KIAA1958: variants seen among roughly 807,000 people sequenced by gnomAD.
The protein encoded by KIAA1958 is uncharacterized protein KIAA1958.
A neutral mutation model predicts 47.2 loss-of-function variants in KIAA1958; 14 were observed. The observed-to-expected ratio is 0.30, with a 90% CI of 0.20 to 0.46. KIAA1958 has a LOEUF of 0.46. KIAA1958 is among the 20% of genes least tolerant of loss of function. The pLI, the probability that KIAA1958 is intolerant of heterozygous loss-of-function variation, is 1.00. For synonymous variants in KIAA1958, 354 were observed against 353.3 expected, an observed-to-expected ratio of 1.00 and a Z score of -0.02; for missense variants, 803 against 909.2, an observed-to-expected ratio of 0.88 and a Z score of 1.50.
chr9:112,583,146 T>C (rs1835762504), intron 2 of KIAA1958, among the ~76,000 whole-genome samples: 1 of 152,202 alleles, frequency 6.6e-6, no homozygotes, highest in African/African-American at 2.4e-5. Context: ...TTTGTGCATG[T>C]GTACCTCCCC....
chr9:112,493,528 A>G (rs1834006184), intron 1 of KIAA1958, among the ~76,000 whole-genome samples: 1 of 152,190 alleles, frequency 6.6e-6, no homozygotes, highest in African/African-American at 2.4e-5. Context: ...TGGGTCAGTC[A>G]GTTCTTGCTG....
In KIAA1958 at chr9:112,500,775, C is replaced by T. The variant is rs193235718; in HGVS notation, c.-25+13657C>T. ...TTCTGTATAATATTTTTGAGAAAAA[C>T]GACGCACTGATAAAAAGGTTAGTTG... On this transcript the variant is annotated intron_variant, in intron 1 of 3. Transcript: ENST00000337530. 5.4e-3 allele frequency among the ~76,000 whole-genome samples: 824 copies of T among 151,952 alleles called. 13 individuals carry two copies. Among genetic ancestry groups the T allele is most frequent in the African/African-American group, 0.019 (779 of 41,426 alleles).
At chr9:112,575,388 G>A (rs1428459119) in intron 2 of KIAA1958, 137 bp downstream of exon 2, 4 of 599,076 alleles carry the variant, frequency 6.7e-6, no homozygotes, top group Non-Finnish European at 1.1e-5. Flanking sequence ...AACAATGACT[G>A]TGTTACATCC....
At chr9:112,633,045 C>T (rs1039764386) in intron 2 of KIAA1958, among the ~76,000 whole-genome samples, 1 of 151,996 alleles carries the variant, frequency 6.6e-6, no homozygotes, top group African/African-American at 2.4e-5. Flanking sequence ...ATCCATCTTT[C>T]CCCAACAATT....
intron 1 of KIAA1958, among the ~76,000 whole-genome samples, chr9:112,563,761 T>A (rs1835377590): frequency 6.6e-6 from 1 of 152,186 alleles, no homozygotes; most frequent in Non-Finnish European, 1.5e-5. Context: ...GGACCTCTAG[T>A]ACAATGTTGA....
At chr9:112,617,748 C>A in intron 2 of KIAA1958, 2 of 731,800 alleles carry the variant, frequency 2.7e-6, no homozygotes, top group Non-Finnish European at 4.4e-6. Context: ...TATCAGTGAT[C>A]TCCGTAAAAC....
chr9:112,643,321 G>T (rs1027970982), intron 2 of KIAA1958, among the ~76,000 whole-genome samples: 1 of 152,192 alleles, frequency 6.6e-6, no homozygotes, highest in Non-Finnish European at 1.5e-5. Flanking sequence ...GTAAATATTG[G>T]ATGAGTGAAT....
chr9:112,644,601 C>T (rs1836947071), intron 2 of KIAA1958, among the ~76,000 whole-genome samples: 1 of 86,498 alleles, frequency 1.2e-5, no homozygotes, highest in Non-Finnish European at 2.7e-5. Flanking sequence ...ATTCCTTTGG[C>T]AACCAACATT....
intron 2 of KIAA1958, among the ~76,000 whole-genome samples, chr9:112,633,275 T>C (rs1437854413): frequency 6.6e-6 from 1 of 152,184 alleles, no homozygotes; most frequent in East Asian, 1.9e-4. Flanking sequence ...ACATGTTTAC[T>C]TTCTTAAACT....
At chr9:112,629,962 C>T (rs1836680528) in intron 2 of KIAA1958, among the ~76,000 whole-genome samples, 1 of 152,082 alleles carries the variant, frequency 6.6e-6, no homozygotes, top group Non-Finnish European at 1.5e-5. Context: ...GTAGCTACAA[C>T]AAACAAGTTA....
intron 1 of KIAA1958, among the ~76,000 whole-genome samples, chr9:112,525,921 CTT>C (rs1564159366): frequency 2.0e-3 from 2 of 992 alleles, no homozygotes; most frequent in Non-Finnish European, 2.9e-3. Context: ...TATATTCTTT[CTT>C]CTTCTTCTTC....
intron 2 of KIAA1958, among the ~76,000 whole-genome samples, chr9:112,595,119 T>A (rs549539166): frequency 6.6e-6 from 1 of 152,374 alleles, no homozygotes; most frequent in African/African-American, 2.4e-5. Context: ...AACCTGTTTC[T>A]GACCTCCTTC....
At chr9:112,648,238 G>C (rs1837008494) in intron 3 of KIAA1958, among the ~76,000 whole-genome samples, 1 of 152,144 alleles carries the variant, frequency 6.6e-6, no homozygotes, top group Non-Finnish European at 1.5e-5. Flanking sequence ...TTACTGCCTT[G>C]AGAGAATTAA....
At chr9:112,614,210 A>C (rs1042954888) in intron 2 of KIAA1958, among the ~76,000 whole-genome samples, 4 of 152,084 alleles carry the variant, frequency 2.6e-5, no homozygotes, top group African/African-American at 7.2e-5. Context: ...TAATAGGCCA[A>C]ACAAAACTAT....
intron 1 of KIAA1958, among the ~76,000 whole-genome samples, chr9:112,553,151 C>T (rs568266188): frequency 1.4e-5 from 2 of 142,680 alleles, no homozygotes; most frequent in African/African-American, 5.2e-5. Context: ...CCTCTGCTCC[C>T]CTCCCCTGCC....
chr9:112,560,198 C>CTTTTTTTTTTTTTTTTTT (rs745805478), intron 1 of KIAA1958, among the ~76,000 whole-genome samples: 1 of 108,664 alleles, frequency 9.2e-6, no homozygotes. Context: ...TTTTCTTTTT[C>CTTTTTTTTTTTTTTTTTT]TTTTTTTTTC....
Position 112,659,293 on chromosome 9 carries a change from G to A in KIAA1958, c.1375G>A (p.Glu459Lys), listed in dbSNP as rs767238067. The change falls in exon 4 of 4, where the codon GAG (glutamate) becomes AAG (lysine). Residue 459 changes from glutamate (E) to lysine (K), a missense_variant. Transcript: ENST00000337530. ...TGCAGTGAAGTTGAACGAGCTGCTCGAGAACTTTTATGTCACCGTCAAGAA... is the reference window on the plus strand; with the variant it reads ...TGCAGTGAAGTTGAACGAGCTGCTCAAGAACTTTTATGTCACCGTCAAGAA... ...IPAVKLNELL[E>K]NFYVTVKKSD... The A allele has an allele frequency of 1.2e-5, 19 of 1,613,350 alleles. No homozygotes were observed. Among genetic ancestry groups the A allele is most frequent in the Non-Finnish European group, 1.6e-5 (19 of 1,179,694 alleles).
chr9:112,639,411 T>G (rs1836858692), intron 2 of KIAA1958, among the ~76,000 whole-genome samples: 1 of 152,122 alleles, frequency 6.6e-6, no homozygotes, highest in African/African-American at 2.4e-5. Context: ...CCATTCAACC[T>G]TTAACATTTC....
chr9:112,550,084 A>G (rs537112822), intron 1 of KIAA1958, among the ~76,000 whole-genome samples: 1 of 150,852 alleles, frequency 6.6e-6, no homozygotes, highest in Non-Finnish European at 1.5e-5. Context: ...ATGGGAAGGA[A>G]TTAGGCTTGA....
Sources: gnomAD v4.1 joint callset for allele counts (sites outside exome capture counted in the v4.1 genomes callset) on GRCh38, gnomAD v4.1.1 for gene constraint, MANE v1.5 for transcripts, NCBI Gene and HGNC (gene_info 2026-07-23, HGNC 2026-07-21) for gene names.